Variants in ATXN1 observed in about 807,000 individuals in gnomAD.
ATXN1 encodes the protein ataxin-1.
In ATXN1, 8 loss-of-function variants were observed where a neutral mutation model predicts 56.4. The observed-to-expected ratio is 0.14, with a 90% CI of 0.08 to 0.26. The LOEUF (loss-of-function observed/expected upper bound fraction) is 0.26, where lower values mean the gene tolerates loss of function less well. ATXN1 is among the 10% of genes least tolerant of loss of function. ATXN1 has a pLI of 1.00. For synonymous variants in ATXN1, 514 were observed against 494.6 expected (o/e 1.04, Z -0.52); for missense variants, 987 against 1,106.5 (o/e 0.89, Z 1.53).
At chr6:16,649,661 T>C (rs1190177180) in intron 3 of ATXN1, among the ~76,000 whole-genome samples, 1 of 152,270 alleles carries the variant, frequency 6.6e-6, no homozygotes, top group Non-Finnish European at 1.5e-5. Context: ...CAAAAACATC[T>C]ATTTTTGTAA....
rs1039265761 is a variant in ATXN1 at position 16,303,203 on chromosome 6, C to A, written c.*3126G>T. ...TGGAAAATGGGTTGACTCCAGGCTA[C>A]ATGGCTCCAGAGTGCGTCTTAGAAA... On this transcript the variant is annotated 3_prime_UTR_variant, in exon 8 of 8. Coordinates refer to ENST00000436367, the MANE Select transcript of ATXN1 (RefSeq NM_001128164.2). The surrounding 1 kb of genome is among the most constrained non-coding windows in gnomAD (Gnocchi z 4.3). 6.5e-6 allele frequency: 1 copy of A among 152,748 alleles called. No individual in the cohort carries two copies. Among genetic ancestry groups the A allele is most frequent in the Non-Finnish European group, 1.5e-5 (1 of 68,224 alleles). The allele number at this position is 152,748 out of a possible 1,614,324, so 9.5% of individuals were successfully genotyped here. A position where few individuals can be genotyped will look rare whatever the true frequency, so the allele number is the denominator to read the frequency against.
chr6:16,574,850 TCATA>T (rs373981095), intron 4 of ATXN1, among the ~76,000 whole-genome samples: 8 of 151,228 alleles, frequency 5.3e-5, no homozygotes, highest in African/African-American at 1.9e-4. Context: ...TGTTTCAGGA[TCATA>T]CTTAGAATTT....
intron 2 of ATXN1, among the ~76,000 whole-genome samples, chr6:16,693,131 C>A (rs923961772): frequency 1.1e-4 from 17 of 152,130 alleles, no homozygotes; most frequent in African/African-American, 4.1e-4. Flanking sequence ...TGATATCTAC[C>A]TACTAACAGG....
At chr6:16,359,400 C>G (rs981267016) in intron 6 of ATXN1, among the ~76,000 whole-genome samples, 1 of 152,106 alleles carries the variant, frequency 6.6e-6, no homozygotes, top group African/African-American at 2.4e-5. Flanking sequence ...AGGAGGATGG[C>G]CAGGGACAAA....
At chr6:16,733,151 C>A (rs1388609276) in intron 2 of ATXN1, among the ~76,000 whole-genome samples, 1 of 152,214 alleles carries the variant, frequency 6.6e-6, no homozygotes. Flanking sequence ...CATTAAGGGA[C>A]AACAACAAGG....
At chr6:16,740,391 T>C (rs1292482706) in intron 2 of ATXN1, among the ~76,000 whole-genome samples, 1 of 152,240 alleles carries the variant, frequency 6.6e-6, no homozygotes, top group Non-Finnish European at 1.5e-5. Flanking sequence ...GAGCTTCTTC[T>C]AATCTCTTCT....
In ATXN1 at chr6:16,551,929, G is replaced by A. The variant is rs111310488; in HGVS notation, c.-360-29241C>T. 3.0e-3 allele frequency among the ~76,000 whole-genome samples: 459 copies of A among 152,288 alleles called. 1 individual carries two copies. The highest frequency in any genetic ancestry group is 0.01 in the African/African-American group (425 of 41,560). On this transcript the variant is annotated intron_variant, in intron 4 of 7. Transcript: ENST00000436367. ...CAAGAGGAAGAGCAAAAAGAGGAGC[G>A]TCTTTAAATCGAAAAATCAAGTCTA... is the stretch of plus-strand genomic sequence containing the variant.
At position 16,761,374 on chromosome 6, in the gene ATXN1, T is replaced by C. The variant is rs1390682696; in HGVS notation, c.-806A>G. On this transcript the variant is annotated 5_prime_UTR_variant, in exon 1 of 8. Coordinates refer to ENST00000436367, the MANE Select transcript of ATXN1 (RefSeq NM_001128164.2). The stretch of plus-strand genomic sequence containing the variant: ...GAGAAACAATGTCTTGCGGCTGCTG[T>C]TGCTCTGGCTGCTGCTCCACGGGGC... 1 of 456,334 alleles carries C rather than the reference T, an allele frequency of 2.2e-6. No individual in the cohort carries two copies. The highest frequency in any genetic ancestry group is 2.0e-5 in the African/African-American group (1 of 49,988). 28.3% of individuals were successfully genotyped at this position (456,334 alleles called of 1,614,324 possible).
chr6:16,603,701 G>A (rs11751880), intron 3 of ATXN1, among the ~76,000 whole-genome samples: 2,355 of 152,274 alleles, frequency 0.015, 22 homozygotes, highest in Middle Eastern at 0.027. Flanking sequence ...AAGAAAAGAC[G>A]CGGGAGGCTT....
At chr6:16,529,677 T>C (rs138210135) in intron 4 of ATXN1, among the ~76,000 whole-genome samples, 2 of 152,196 alleles carry the variant, frequency 1.3e-5, no homozygotes, top group African/African-American at 4.8e-5. Flanking sequence ...TAGATACATA[T>C]TATTATGTGT....
intron 2 of ATXN1, among the ~76,000 whole-genome samples, chr6:16,740,276 A>T (rs1355406066): frequency 3.9e-5 from 6 of 152,216 alleles, no homozygotes; most frequent in Non-Finnish European, 7.3e-5. Context: ...GTAACAGTAG[A>T]TACTTAATTA....
chr6:16,758,257 T>C (rs1760947761), intron 1 of ATXN1, among the ~76,000 whole-genome samples: 1 of 151,986 alleles, frequency 6.6e-6, no homozygotes, highest in Non-Finnish European at 1.5e-5. Context: ...GCAATGGAGG[T>C]TCCAAATGAT....
At chr6:16,461,262 T>C (rs965774945) in intron 6 of ATXN1, among the ~76,000 whole-genome samples, 1 of 152,150 alleles carries the variant, frequency 6.6e-6, no homozygotes, top group Non-Finnish European at 1.5e-5. Flanking sequence ...GGGGCATAGT[T>C]TTCTCCCCTT....
chr6:16,430,375 C>T (rs551159415), intron 6 of ATXN1, among the ~76,000 whole-genome samples: 1 of 152,036 alleles, frequency 6.6e-6, no homozygotes, highest in South Asian at 2.1e-4. Flanking sequence ...GAACACCGTA[C>T]TGCGACCACT....
chr6:16,490,859 A>C (rs1760645143), intron 5 of ATXN1, among the ~76,000 whole-genome samples: 1 of 151,908 alleles, frequency 6.6e-6, no homozygotes, highest in Non-Finnish European at 1.5e-5. Flanking sequence ...AAGCCAATCA[A>C]AGGCCTCTCT....
intron 6 of ATXN1, among the ~76,000 whole-genome samples, chr6:16,457,038 C>T (rs1759890773): frequency 6.6e-6 from 1 of 152,190 alleles, no homozygotes. Flanking sequence ...CCTTCCTTCC[C>T]TCAGGGTATG....
At chr6:16,556,872 T>C (rs972137399) in intron 4 of ATXN1, among the ~76,000 whole-genome samples, 4 of 152,210 alleles carry the variant, frequency 2.6e-5, no homozygotes, top group African/African-American at 7.2e-5. Context: ...TTGAACAACT[T>C]ATTAATTAGA....
chr6:16,508,574 C>CTTGG (rs1761022697), intron 5 of ATXN1, among the ~76,000 whole-genome samples: 1 of 152,144 alleles, frequency 6.6e-6, no homozygotes, highest in Admixed American at 6.6e-5. Flanking sequence ...AAACCTCCAA[C>CTTGG]CTATTAGGAT....
At chr6:16,643,307 T>A (rs1344402933) in intron 3 of ATXN1, among the ~76,000 whole-genome samples, 1 of 150,158 alleles carries the variant, frequency 6.7e-6, no homozygotes, top group Non-Finnish European at 1.5e-5. Flanking sequence ...TCTAAAAAAT[T>A]CTGAACTCTT....
Sources: allele counts gnomAD v4.1 joint callset (sites outside exome capture counted in the v4.1 genomes callset), GRCh38; gene constraint gnomAD v4.1.1; non-coding constraint Gnocchi (gnomAD v3.1); transcripts MANE v1.5; gene names NCBI Gene and HGNC (gene_info 2026-07-23, HGNC 2026-07-21).